The following RYR3 variants were observed in gnomAD, a reference collection of about 807,000 sequenced individuals.
The protein encoded by RYR3 is brain ryanodine receptor-calcium release channel.
In RYR3, 207 loss-of-function variants were observed where a neutral mutation model predicts 584.3. The observed-to-expected ratio is 0.35, with a 90% confidence interval of 0.32 to 0.40. The LOEUF (loss-of-function observed/expected upper bound fraction) is 0.40. Ranked by LOEUF, RYR3 falls within the 10% of genes least tolerant of loss-of-function variation. RYR3 has a pLI of 1.00. For synonymous variants in RYR3, 2,416 were observed against 2,248.5 expected (o/e 1.07, Z -2.11); for missense variants, 5,616 against 6,089.2 (o/e 0.92, Z 2.59).
chr15:33,507,878 G>T (rs2052613175), intron 3 of RYR3, among the ~76,000 whole-genome samples: 1 of 152,102 alleles, frequency 6.6e-6, no homozygotes, highest in African/African-American at 2.4e-5. Flanking sequence ...TGAGATCAGT[G>T]CCTACAACTA....
At chr15:33,312,313 C>A (rs182024775) in intron 1 of RYR3, among the ~76,000 whole-genome samples, 1 of 152,220 alleles carries the variant, frequency 6.6e-6, no homozygotes, top group East Asian at 1.9e-4. Context: ...CGCTTCCTTC[C>A]AATTTACTTC....
chr15:33,566,930 C>T (rs1344564975), intron 12 of RYR3, 131 bp downstream of exon 12: 1 of 1,059,788 alleles, frequency 9.4e-7, no homozygotes, highest in East Asian at 2.4e-5. Flanking sequence ...GTTTTACCAT[C>T]AAGAGCTTGA....
At chr15:33,605,016 A>T (rs559864402) in intron 18 of RYR3, among the ~76,000 whole-genome samples, 2 of 152,298 alleles carry the variant, frequency 1.3e-5, no homozygotes, top group East Asian at 3.9e-4. Context: ...TGTTCTCTGG[A>T]GCCCAGCTAC....
At chr15:33,479,364 G>T (rs757368296) in intron 2 of RYR3, among the ~76,000 whole-genome samples, 1 of 151,028 alleles carries the variant, frequency 6.6e-6, no homozygotes, top group East Asian at 1.9e-4. Context: ...TCTGATGTAT[G>T]TTAGTACATA....
At chr15:33,595,901 A>G (rs1259295183) in intron 16 of RYR3, among the ~76,000 whole-genome samples, 1 of 152,088 alleles carries the variant, frequency 6.6e-6, no homozygotes, top group Non-Finnish European at 1.5e-5. Context: ...AATTTTTTTT[A>G]AAGTGTAAAT....
intron 16 of RYR3, among the ~76,000 whole-genome samples, chr15:33,597,918 TTCTG>T (rs1054552887): frequency 2.0e-5 from 3 of 151,950 alleles, no homozygotes; most frequent in Non-Finnish European, 2.9e-5. Context: ...CTTTTTTTTT[TTCTG>T]TCTTAGACTT....
chr15:33,643,610 C>T, intron 27 of RYR3, among the ~76,000 whole-genome samples: 1 of 151,888 alleles, frequency 6.6e-6, no homozygotes, highest in Admixed American at 6.5e-5. Flanking sequence ...TGTTAACAAG[C>T]ACAATCATAG....
At chr15:33,695,038 C>T (rs1167244867) in intron 38 of RYR3, among the ~76,000 whole-genome samples, 5 of 152,190 alleles carry the variant, frequency 3.3e-5, no homozygotes, top group African/African-American at 7.2e-5. Flanking sequence ...AGAGATGCCA[C>T]GGGCTACCAG....
chr15:33,311,003 C>T lies in RYR3; in HGVS notation c.-43C>T, dbSNP rs750181285. Reference sequence around the variant, plus strand: ...CACGCCGAGCGGCTGCCGGGGGAAGCAGAGGCGCCGGAGGCTGGGGCACCG... The same window carrying T: ...CACGCCGAGCGGCTGCCGGGGGAAGTAGAGGCGCCGGAGGCTGGGGCACCG... On this transcript the variant is annotated 5_prime_UTR_variant, in exon 1 of 104. Coordinates refer to ENST00000634891, the MANE Select transcript of RYR3 (RefSeq NM_001036.6). This position sits in a 1 kb window ranked among gnomAD's most constrained non-coding sequence, Gnocchi z 4.4. 9 of 1,529,110 alleles carry T rather than the reference C, an allele frequency of 5.9e-6. No homozygotes were observed. In the Admixed American group the frequency reaches 1.7e-4, roughly 28 times the overall value. 94.7% of individuals were successfully genotyped at this position (1,529,110 alleles called of 1,614,324 possible).
chr15:33,710,936 G>A (rs915332902), intron 43 of RYR3, among the ~76,000 whole-genome samples: 24 of 152,306 alleles, frequency 1.6e-4, no homozygotes, highest in African/African-American at 5.8e-4. Flanking sequence ...GGCCTATGAT[G>A]GGAGGGGCTG....
At chr15:33,795,772 C>G (rs1483909293) in intron 67 of RYR3, among the ~76,000 whole-genome samples, 3 of 152,158 alleles carry the variant, frequency 2.0e-5, no homozygotes, top group Non-Finnish European at 2.9e-5. Flanking sequence ...CTCAGGTGAT[C>G]TGCCTGCCTC....
intron 1 of RYR3, among the ~76,000 whole-genome samples, chr15:33,432,992 T>C (rs2045330322): frequency 6.6e-6 from 1 of 151,736 alleles, no homozygotes; most frequent in Admixed American, 6.6e-5. Context: ...ATCAAATTAG[T>C]TTATTGATCA....
At chr15:33,675,395 C>T in intron 38 of RYR3, among the ~76,000 whole-genome samples, 1 of 152,208 alleles carries the variant, frequency 6.6e-6, no homozygotes, top group East Asian at 1.9e-4. Context: ...ACTTTGTCAA[C>T]CTGAATTCAA....
At chr15:33,675,419 C>T (rs2064114069) in intron 38 of RYR3, among the ~76,000 whole-genome samples, 1 of 152,244 alleles carries the variant, frequency 6.6e-6, no homozygotes, top group South Asian at 2.1e-4. Context: ...CCATCCTTGT[C>T]ACTTATGTAA....
intron 85 of RYR3, among the ~76,000 whole-genome samples, chr15:33,828,671 G>A (rs1028922740): frequency 2.6e-5 from 4 of 152,232 alleles, no homozygotes; most frequent in Non-Finnish European, 5.9e-5. Flanking sequence ...GGCTGAGAGA[G>A]GTAAGGAAGC....
At chr15:33,450,239 T>C (rs2339274) in intron 1 of RYR3, among the ~76,000 whole-genome samples, 103,740 of 151,438 alleles carry the variant, frequency 0.69, 37,068 homozygotes, top group African/African-American at 0.92. Context: ...ATCTGAGATT[T>C]TGTGTTGTCC....
intron 43 of RYR3, among the ~76,000 whole-genome samples, chr15:33,712,207 G>A (rs2067171877): frequency 6.6e-6 from 1 of 152,158 alleles, no homozygotes; most frequent in South Asian, 2.1e-4. Flanking sequence ...TGTGAAGACA[G>A]CCTCAAGCCA....
intron 48 of RYR3, among the ~76,000 whole-genome samples, chr15:33,733,917 AAC>A (rs1468649362): frequency 2.6e-5 from 4 of 152,200 alleles, no homozygotes; most frequent in African/African-American, 9.7e-5. Context: ...CCTGTTACAA[AAC>A]AGTTTTAAAA....
Position 33,835,989 on chromosome 15 carries a change from T to G in RYR3, c.11568+917T>G, listed in dbSNP as rs1021521038. The stretch of plus-strand genomic sequence containing the variant: ...TAGAATAGGTGATCTCTGAGGTCTC[T>G]TCACAGCTCTGATATCCTACACTTC... On this transcript the variant is annotated intron_variant, in intron 87 of 103. Transcript: ENST00000634891. Among the ~76,000 whole-genome samples the G allele has an allele frequency of 4.6e-5, 7 of 152,316 alleles. No individual in the cohort carries two copies. The East Asian group carries it at 5.8e-4, about 13-fold the overall frequency.
Sources: gnomAD v4.1 joint callset for allele counts (sites outside exome capture counted in the v4.1 genomes callset) on GRCh38, gnomAD v4.1.1 for gene constraint, Gnocchi (gnomAD v3.1) non-coding constraint, MANE v1.5 for transcripts, NCBI Gene and HGNC (gene_info 2026-07-23, HGNC 2026-07-21) for gene names.